The following TRAPPC13 variants were observed in gnomAD, a reference collection of about 807,000 sequenced individuals.
The protein encoded by TRAPPC13 is trafficking protein particle complex subunit 13, also known as REV7-interacting novel NHEJ regulator 1.
TRAPPC13 carries 39 observed loss-of-function variants against 54.0 expected under a neutral mutation model. That is an observed-to-expected ratio of 0.72 (90% CI 0.56 to 0.94). The LOEUF (loss-of-function observed/expected upper bound fraction) is 0.94, where lower values mean the gene tolerates loss of function less well. Among genes scored for constraint, TRAPPC13 ranks in the 40% least tolerant of loss-of-function variants. The pLI, the probability that TRAPPC13 is intolerant of heterozygous loss-of-function variation, is 0.00. For missense variants in TRAPPC13, 386 were observed against 488.1 expected (o/e 0.79, Z 1.97); for synonymous variants, 148 against 167.7 (o/e 0.88, Z 0.91).
chr5:65,650,704 C>T (rs1756396018), intron 5 of TRAPPC13, 106 bp from the exon 6 acceptor site: 3 of 821,520 alleles, frequency 3.7e-6, no homozygotes, highest in Non-Finnish European at 6.0e-6. Context: ...ACATCCACAC[C>T]ATAGATATAA....
intron 9 of TRAPPC13, 113 bp from the exon 10 acceptor site, chr5:65,660,586 G>C: frequency 1.5e-6 from 1 of 654,286 alleles, no homozygotes; most frequent in Non-Finnish European, 2.3e-6. Flanking sequence ...TTCTGTTGTT[G>C]ATCTTTGGAG....
At position 65,658,476 on chromosome 5, in the gene TRAPPC13, A is replaced by C; in HGVS notation, c.673A>C (p.Asn225His). The C allele has an allele frequency of 6.3e-7, 1 of 1,576,222 alleles. No individual in the cohort carries two copies. Among genetic ancestry groups the C allele is most frequent in the Non-Finnish European group, 8.6e-7 (1 of 1,159,050 alleles). ...PSIMYNVTELNSVSQAGECVS... is the reference protein window; with the variant it reads ...PSIMYNVTELHSVSQAGECVS... ...TATTATGTACAATGTAACAGAATTAAATTCAGTCAGCCAAGCTGGAGAATG... is the reference window on the plus strand; with the variant it reads ...TATTATGTACAATGTAACAGAATTACATTCAGTCAGCCAAGCTGGAGAATG... The change falls in exon 9 of 13, where the codon AAT becomes CAT. Residue 225 changes from asparagine (N) to histidine (H), a missense_variant. Transcript: ENST00000399438.
chr5:65,638,507 CAT>C (rs1261036966), intron 4 of TRAPPC13, among the ~76,000 whole-genome samples: 2 of 152,136 alleles, frequency 1.3e-5, no homozygotes, highest in Admixed American at 6.5e-5. Flanking sequence ...GAGGCAGAGA[CAT>C]AGTGGTACAC....
At chr5:65,631,189 C>G (rs1233740218) in intron 1 of TRAPPC13, among the ~76,000 whole-genome samples, 1 of 152,146 alleles carries the variant, frequency 6.6e-6, no homozygotes. Context: ...TACTATTAAA[C>G]ACACCAGCTC....
intron 10 of TRAPPC13, chr5:65,661,147 C>CT: frequency 6.7e-6 from 2 of 298,268 alleles, no homozygotes; most frequent in Non-Finnish European, 1.2e-5. Flanking sequence ...ATTAAAATAA[C>CT]TGTTATTAAG....
chr5:65,643,026 T>C lies in TRAPPC13; in HGVS notation c.301-4029T>C, dbSNP rs904742982. 3.1e-4 allele frequency among the ~76,000 whole-genome samples: 47 copies of C among 152,260 alleles called. 1 individual carries two copies. The highest frequency in any genetic ancestry group is 1.1e-3 in the African/African-American group (47 of 41,552). ...TAAGACAATATAATAAATGTGAAAATACTTTGCAGAATTGCCCAAATTAAA... is the reference window on the plus strand; with the variant it reads ...TAAGACAATATAATAAATGTGAAAACACTTTGCAGAATTGCCCAAATTAAA... On this transcript the variant is annotated intron_variant, in intron 4 of 12. Coordinates refer to ENST00000399438, the MANE Select transcript of TRAPPC13 (RefSeq NM_024941.4).
At chr5:65,633,211 A>G (rs996210235) in intron 1 of TRAPPC13, among the ~76,000 whole-genome samples, 2 of 152,202 alleles carry the variant, frequency 1.3e-5, no homozygotes, top group Admixed American at 6.5e-5. Flanking sequence ...TACATATGCT[A>G]GAACATTACT....
intron 4 of TRAPPC13, among the ~76,000 whole-genome samples, chr5:65,641,712 G>GA (rs67025717): frequency 0.016 from 2,186 of 138,224 alleles, 45 homozygotes; most frequent in African/African-American, 0.054. Flanking sequence ...CCCTGTCTGA[G>GA]AAAAAAAAAA....
At chr5:65,629,850 T>C in intron 1 of TRAPPC13, 5 of 1,536,088 alleles carry the variant, frequency 3.3e-6, no homozygotes, top group Non-Finnish European at 3.5e-6. Flanking sequence ...GATTGCACAG[T>C]AGATCTATTG....
At chr5:65,658,910 G>A (rs1756750099) in intron 9 of TRAPPC13, among the ~76,000 whole-genome samples, 1 of 151,800 alleles carries the variant, frequency 6.6e-6, no homozygotes, top group Admixed American at 6.6e-5. Flanking sequence ...AGTAGAGATG[G>A]GGTTTCACCA....
intron 5 of TRAPPC13, among the ~76,000 whole-genome samples, chr5:65,648,048 A>C (rs1278739845): frequency 2.0e-5 from 3 of 152,120 alleles, no homozygotes; most frequent in Non-Finnish European, 4.4e-5. Flanking sequence ...GTCCTTAGGA[A>C]ATTCTGACTT....
Position 65,664,656 on chromosome 5 carries a change from G to A in TRAPPC13, c.*45G>A. On this transcript the variant is annotated 3_prime_UTR_variant, in exon 13 of 13. Coordinates refer to ENST00000399438, the MANE Select transcript of TRAPPC13 (RefSeq NM_024941.4). The stretch of plus-strand genomic sequence containing the variant: ...GCTTTTCATTTAGTTTCACAGAACT[G>A]CTCTTTTTGTTACCTTTGTAAAATG... The A allele has an allele frequency of 7.2e-7, 1 of 1,396,704 alleles. No homozygotes were observed. Among genetic ancestry groups the A allele is most frequent in the Non-Finnish European group, 1.0e-6 (1 of 999,554 alleles). 86.5% of individuals were successfully genotyped at this position (1,396,704 alleles called of 1,614,324 possible).
intron 4 of TRAPPC13, among the ~76,000 whole-genome samples, chr5:65,645,096 G>C (rs1300869389): frequency 6.6e-6 from 1 of 150,482 alleles, no homozygotes; most frequent in Non-Finnish European, 1.5e-5. Flanking sequence ...TACTCCGGAG[G>C]CTGAGGCAGG....
At chr5:65,634,919 ACTG>A (rs1354615983) in intron 1 of TRAPPC13, 50 of 751,652 alleles carry the variant, frequency 6.7e-5, no homozygotes, top group Non-Finnish European at 7.4e-5. Context: ...AAAAACACTT[ACTG>A]AGTTTCCAAA....
chr5:65,658,385 G>C lies in TRAPPC13; in HGVS notation c.582G>C (p.Leu194=). 6.3e-7 allele frequency: 1 copy of C among 1,599,360 alleles called. No individual in the cohort carries two copies. The highest frequency in any genetic ancestry group is 8.5e-7 in the Non-Finnish European group (1 of 1,171,844). Residue 194 remains leucine (L), a synonymous_variant, in exon 9 of 13, where the codon CTG becomes CTC. Transcript: ENST00000399438. The part of the protein sequence containing the change: ...DLSSVTDEVF[L]EAQIQNMTTS... ...ATCCTCAGACTGATGAAGTATTTCT[G>C]GAAGCCCAGATTCAGAATATGACAA...
At chr5:65,651,032 ACT>A (rs1399725233) in intron 6 of TRAPPC13, 150 bp downstream of exon 6, 2 of 617,528 alleles carry the variant, frequency 3.2e-6, no homozygotes, top group Non-Finnish European at 5.8e-6. Context: ...AGCAGTCTAA[ACT>A]CAGACTAAAT....
At chr5:65,652,347 T>TC (rs1756495208) in intron 6 of TRAPPC13, among the ~76,000 whole-genome samples, 154 bp from the exon 7 acceptor site, 1 of 149,112 alleles carries the variant, frequency 6.7e-6, no homozygotes, top group African/African-American at 2.5e-5. Flanking sequence ...TTCTTTTTTT[T>TC]TTTTTTTTTG....
At position 65,645,092 on chromosome 5, in the gene TRAPPC13, G is replaced by A. The variant is rs150010574; in HGVS notation, c.301-1963G>A. 5.8e-3 allele frequency among the ~76,000 whole-genome samples: 881 copies of A among 151,456 alleles called. 8 individuals are homozygous for A. Among genetic ancestry groups the A allele is most frequent in the African/African-American group, 0.02 (836 of 41,244 alleles). On this transcript the variant is annotated intron_variant, in intron 4 of 12. Coordinates refer to ENST00000399438, the MANE Select transcript of TRAPPC13 (RefSeq NM_024941.4). ...GGGCGCCTGTAATCCCAGCTACTCC[G>A]GAGGCTGAGGCAGGAGAATCGCCTG...
chr5:65,658,863 G>A (rs1052808038), intron 9 of TRAPPC13, among the ~76,000 whole-genome samples: 1 of 151,992 alleles, frequency 6.6e-6, no homozygotes, highest in Non-Finnish European at 1.5e-5. Flanking sequence ...GGGATTACAG[G>A]TGCATGCCAC....
Sources: allele counts gnomAD v4.1 joint callset (sites outside exome capture counted in the v4.1 genomes callset), GRCh38; gene constraint gnomAD v4.1.1; transcripts MANE v1.5; gene names NCBI Gene and HGNC (gene_info 2026-07-23, HGNC 2026-07-21).